Variants in CACNA1C observed in about 807,000 individuals in gnomAD.
CACNA1C encodes the protein voltage-dependent L-type calcium channel subunit alpha-1C.
In CACNA1C, 30 loss-of-function variants were observed where a neutral mutation model predicts 229.0. That is an observed-to-expected ratio of 0.13 (90% confidence interval 0.10 to 0.18). CACNA1C has a LOEUF of 0.18. Ranked by LOEUF, CACNA1C falls within the 10% of genes least tolerant of loss-of-function variation. The probability of loss-of-function intolerance (pLI) is 1.00; values close to 1 mark genes in which losing one functional copy is unlikely to be tolerated. For missense variants in CACNA1C, 1,658 were observed against 2,845.0 expected (o/e 0.58, Z 9.49); for synonymous variants, 1,114 against 1,132.5 (o/e 0.98, Z 0.33).
At chr12:2,115,040 C>T (rs916279376) in intron 1 of CACNA1C, among the ~76,000 whole-genome samples, 184 bp from the exon 2 acceptor site, 29 of 152,322 alleles carry the variant, frequency 1.9e-4, no homozygotes, top group Non-Finnish European at 3.1e-4. Flanking sequence ...AAACCAGGAC[C>T]GCAACGATCC....
At chr12:2,004,656 G>A in intron 1 of CACNA1C, 3 of 573,388 alleles carry the variant, frequency 5.2e-6, no homozygotes, top group Non-Finnish European at 9.0e-6. Context: ...GCAACGACAA[G>A]CCCAGGCCTG....
chr12:2,421,474 G>C (rs1198999897), intron 3 of CACNA1C, among the ~76,000 whole-genome samples: 1 of 152,170 alleles, frequency 6.6e-6, no homozygotes, highest in Non-Finnish European at 1.5e-5. Context: ...TTATCTGAGA[G>C]GAACATCCCA....
chr12:2,106,704 G>A (rs1450597921), intron 1 of CACNA1C, among the ~76,000 whole-genome samples: 15 of 105,990 alleles, frequency 1.4e-4, no homozygotes, highest in East Asian at 6.5e-4. Context: ...CCCACCCCGG[G>A]GAGGGTTTCC....
intron 3 of CACNA1C, among the ~76,000 whole-genome samples, chr12:2,177,326 C>T (rs1344395199): frequency 2.6e-5 from 4 of 152,158 alleles, no homozygotes; most frequent in Non-Finnish European, 5.9e-5. Flanking sequence ...GCCAGAGAGA[C>T]ACTCCACCTC....
At chr12:2,242,199 C>T (rs2070744450) in intron 3 of CACNA1C, among the ~76,000 whole-genome samples, 1 of 152,200 alleles carries the variant, frequency 6.6e-6, no homozygotes, top group African/African-American at 2.4e-5. Flanking sequence ...TCTCTTTGTC[C>T]TTCAGGTCAG....
chr12:2,135,904 GC>G (rs2093390071), intron 3 of CACNA1C, among the ~76,000 whole-genome samples: 2 of 149,076 alleles, frequency 1.3e-5, no homozygotes, highest in African/African-American at 5.0e-5. Context: ...CCCTCCCCCA[GC>G]CTCGCTGCCG....
intron 5 of CACNA1C, among the ~76,000 whole-genome samples, chr12:2,476,581 T>C (rs1355962249): frequency 6.6e-6 from 1 of 152,244 alleles, no homozygotes; most frequent in Non-Finnish European, 1.5e-5. Flanking sequence ...TTTCACCATA[T>C]GCAGTTTTCT....
chr12:2,375,649 T>G (rs1344539561), intron 3 of CACNA1C, among the ~76,000 whole-genome samples: 11 of 152,246 alleles, frequency 7.2e-5, no homozygotes, highest in Admixed American at 7.2e-4. Context: ...CTGTCTCTTT[T>G]CTTTATACAT....
chr12:2,282,513 T>A (rs2091602352), intron 3 of CACNA1C, among the ~76,000 whole-genome samples: 1 of 152,186 alleles, frequency 6.6e-6, no homozygotes, highest in Non-Finnish European at 1.5e-5. Flanking sequence ...CAGGCTCCCC[T>A]GTAGGCCTGG....
In CACNA1C at chr12:2,556,989, T is replaced by C. The variant is rs1470224463; in HGVS notation, c.1508+12T>C. The C allele has an allele frequency of 1.9e-6, 3 of 1,610,290 alleles. No homozygotes were observed. The highest frequency in any genetic ancestry group is 1.3e-5 in the African/African-American group (1 of 74,858). On this transcript the variant is annotated intron_variant, in intron 11 of 46. Transcript: ENST00000399655. ...AAGTCAAAGTTCAGGTGAGTGAGAC[T>C]CACGCTGCTCTTCCTTCCTTCTGCC... is the stretch of plus-strand genomic sequence containing the variant.
At chr12:2,663,027 C>T (rs2095846663) in intron 34 of CACNA1C, among the ~76,000 whole-genome samples, 1 of 152,098 alleles carries the variant, frequency 6.6e-6, no homozygotes. Context: ...ACTTTAGAAC[C>T]TTTAGAAGAA....
At chr12:2,519,517 A>G (rs2099805348) in intron 9 of CACNA1C, among the ~76,000 whole-genome samples, 1 of 152,108 alleles carries the variant, frequency 6.6e-6, no homozygotes. Flanking sequence ...AGTCACTCTC[A>G]ACTCTTGGAA....
rs75930699 is a variant in CACNA1C, at chr12:1,987,157, G to A, written c.139+15956G>A. 9.3e-3 allele frequency among the ~76,000 whole-genome samples: 1,411 copies of A among 152,268 alleles called. 15 individuals are homozygous for A. The highest frequency in any genetic ancestry group is 0.032 in the African/African-American group (1,330 of 41,538). On this transcript the variant is annotated intron_variant, in intron 1 of 46. Transcript: ENST00000682462. Reference sequence around the variant, plus strand: ...ACAAACGATTTGTTAATACAAATGGGCATTAGAAGTACTCTGCCCTGCTGC... The same window carrying A: ...ACAAACGATTTGTTAATACAAATGGACATTAGAAGTACTCTGCCCTGCTGC...
chr12:2,669,823 G>C (rs968797262), intron 38 of CACNA1C, among the ~76,000 whole-genome samples: 1 of 152,210 alleles, frequency 6.6e-6, no homozygotes, highest in African/African-American at 2.4e-5. Context: ...CTCCCTCAGG[G>C]CTGCGTCCAC....
At chr12:2,387,019 T>G (rs1409039576) in intron 3 of CACNA1C, among the ~76,000 whole-genome samples, 2 of 152,220 alleles carry the variant, frequency 1.3e-5, no homozygotes, top group Admixed American at 1.3e-4. Flanking sequence ...CTTTTAACAA[T>G]AAGACTTTTT....
intron 3 of CACNA1C, among the ~76,000 whole-genome samples, chr12:2,313,261 TGTG>T (rs1430307310): frequency 1.3e-5 from 2 of 152,196 alleles, no homozygotes; most frequent in African/African-American, 2.4e-5. Flanking sequence ...AGCAGGGGGA[TGTG>T]GTGCCTGGCA....
chr12:2,194,463 T>C (rs1403500343), intron 3 of CACNA1C, among the ~76,000 whole-genome samples: 1 of 151,752 alleles, frequency 6.6e-6, no homozygotes, highest in Non-Finnish European at 1.5e-5. Context: ...CACGTTGACC[T>C]TGTGCTGCTG....
intron 5 of CACNA1C, among the ~76,000 whole-genome samples, chr12:2,474,918 G>T: frequency 6.6e-6 from 1 of 152,210 alleles, no homozygotes; most frequent in East Asian, 1.9e-4. Context: ...GCTTGGAAAA[G>T]ATGCCTGATA....
At chr12:2,648,608 G>C (rs1338138763) in intron 31 of CACNA1C, 101 bp downstream of exon 31, 62 of 988,562 alleles carry the variant, frequency 6.3e-5, no homozygotes, top group Non-Finnish European at 9.3e-5. Context: ...AGCCCTGCCT[G>C]GCTCTCACTG....
Sources: allele counts gnomAD v4.1 joint callset (sites outside exome capture counted in the v4.1 genomes callset), GRCh38; gene constraint gnomAD v4.1.1; transcripts MANE v1.5; gene names NCBI Gene and HGNC (gene_info 2026-07-23, HGNC 2026-07-21).